LRRIQ3: variants seen among roughly 807,000 people sequenced by gnomAD.
LRRIQ3 encodes leucine-rich repeat and IQ domain-containing protein 3.
In LRRIQ3, 75 loss-of-function variants were observed where a neutral mutation model predicts 59.3. The ratio of observed to expected loss-of-function variants is 1.26; its 90% confidence interval spans 1.05 to 1.53. LRRIQ3 has a LOEUF of 1.53. Ranked by LOEUF, LRRIQ3 falls within the 40% of genes most tolerant of loss-of-function variation. LRRIQ3 has a pLI of 0.00. For synonymous variants in LRRIQ3, 250 were observed against 231.3 expected (o/e 1.08, Z -0.73); for missense variants, 831 against 710.0 (o/e 1.17, Z -1.94).
At chr1:74,065,335 C>T (rs997466581) in intron 6 of LRRIQ3, among the ~76,000 whole-genome samples, 4 of 152,066 alleles carry the variant, frequency 2.6e-5, no homozygotes, top group African/African-American at 7.2e-5. Context: ...GGAACAGTCT[C>T]CCCTTGTTTT....
In LRRIQ3 at chr1:74,182,650, A is replaced by G; in HGVS notation, c.461T>C (p.Leu154Pro). Reference protein sequence around the residue: ...LVNSIWPLKALDHHVISDEEI... With the variant: ...LVNSIWPLKAPDHHVISDEEI... ...TTCATCAGAAATCACATGATGATCC[A>G]GCGCTTTGAGAGGCCATATACTGTT... The change falls in exon 3 of 8, where the codon CTG becomes CCG. Residue 154 changes from leucine (L) to proline (P), a missense_variant. Coordinates refer to ENST00000354431, the MANE Select transcript of LRRIQ3 (RefSeq NM_001105659.2). 1 of 1,611,660 alleles carries G rather than the reference A, an allele frequency of 6.2e-7. No individual in the cohort carries two copies. Among genetic ancestry groups the G allele is most frequent in the South Asian group, 1.1e-5 (1 of 90,890 alleles).
chr1:74,036,484 C>G (rs914732716), intron 7 of LRRIQ3, among the ~76,000 whole-genome samples: 1 of 152,124 alleles, frequency 6.6e-6, no homozygotes. Context: ...TAGAAAGCTT[C>G]TAGGTCACAT....
At chr1:74,035,439 T>C (rs1336555360) in intron 7 of LRRIQ3, among the ~76,000 whole-genome samples, 1 of 152,152 alleles carries the variant, frequency 6.6e-6, no homozygotes. Context: ...AAATGTTCCT[T>C]GGCAATTAAT....
chr1:74,087,381 C>CTTTTTTTTTTTTTTTT (rs57068994), intron 5 of LRRIQ3, among the ~76,000 whole-genome samples: 9 of 59,010 alleles, frequency 1.5e-4, no homozygotes, highest in African/African-American at 6.5e-4. Flanking sequence ...AAAATTTTAT[C>CTTTTTTTTTTTTTTTT]TTTTTTTTTT....
rs541304739 is a variant in LRRIQ3 at position 74,086,798 on chromosome 1, G to C, written c.868-12008C>G. 3.9e-4 allele frequency among the ~76,000 whole-genome samples: 60 copies of C among 152,120 alleles called. 1 individual carries two copies. Among genetic ancestry groups the C allele is most frequent in the African/African-American group, 1.3e-3 (52 of 41,544 alleles). On this transcript the variant is annotated intron_variant, in intron 5 of 7. Transcript: ENST00000354431. The stretch of plus-strand genomic sequence containing the variant: ...GTAATAATGGACAAAAGACTAAAGA[G>C]AATGGTGAACAGACAACAAAAAACA...
At chr1:74,183,350 G>C (rs1318519877) in intron 2 of LRRIQ3, 86 bp downstream of exon 2, 8 of 1,178,914 alleles carry the variant, frequency 6.8e-6, no homozygotes, top group Non-Finnish European at 9.2e-6. Flanking sequence ...CCATGTTGAA[G>C]AAATACTGTG....
At chr1:74,108,823 TA>T in intron 5 of LRRIQ3, 1 of 328,720 alleles carries the variant, frequency 3.0e-6, no homozygotes, top group Non-Finnish European at 5.9e-6. Flanking sequence ...TAGCTTTTGG[TA>T]AGTTAATTAA....
chr1:74,094,188 T>C (rs1217997192), intron 5 of LRRIQ3, among the ~76,000 whole-genome samples: 1 of 152,058 alleles, frequency 6.6e-6, no homozygotes. Flanking sequence ...TAACCTTAAT[T>C]ACTTCTTTAG....
chr1:74,154,214 C>A (rs1648165795), intron 4 of LRRIQ3, among the ~76,000 whole-genome samples: 1 of 123,754 alleles, frequency 8.1e-6, no homozygotes, highest in Non-Finnish European at 1.6e-5. Context: ...GCACTGCAGC[C>A]TGGGCGACAG....
intron 4 of LRRIQ3, among the ~76,000 whole-genome samples, chr1:74,115,752 T>C (rs1274724447): frequency 3.9e-5 from 6 of 152,106 alleles, no homozygotes; most frequent in Non-Finnish European, 7.4e-5. Context: ...AAAGTTATGT[T>C]ATATATTACA....
At chr1:74,195,509 TG>T (rs1454943206) in intron 1 of LRRIQ3, among the ~76,000 whole-genome samples, 2 of 152,168 alleles carry the variant, frequency 1.3e-5, no homozygotes, top group African/African-American at 2.4e-5. Flanking sequence ...GACATTTTAA[TG>T]GGGGGATGAA....
intron 5 of LRRIQ3, among the ~76,000 whole-genome samples, chr1:74,076,766 CT>C (rs1321099489): frequency 6.6e-6 from 1 of 151,980 alleles, no homozygotes; most frequent in Non-Finnish European, 1.5e-5. Context: ...AGGGTAAGGG[CT>C]TTTTAATGCT....
Position 74,126,290 on chromosome 1 carries a change from T to C in LRRIQ3, c.708-16737A>G, listed in dbSNP as rs192165723. Among the ~76,000 whole-genome samples, 235 of 151,934 alleles carry C rather than the reference T, an allele frequency of 1.5e-3. 1 individual carries two copies. Among genetic ancestry groups the C allele is most frequent in the African/African-American group, 5.2e-3 (218 of 41,554 alleles). On this transcript the variant is annotated intron_variant, in intron 4 of 7. Coordinates refer to ENST00000354431, the MANE Select transcript of LRRIQ3 (RefSeq NM_001105659.2). The stretch of plus-strand genomic sequence containing the variant: ...AAGGGTTTGTTGATTATATTTATCT[T>C]TTAACCACCAATTTTTCATTTCATT...
intron 5 of LRRIQ3, among the ~76,000 whole-genome samples, chr1:74,085,317 T>C (rs1411314467): frequency 1.7e-5 from 1 of 59,216 alleles, no homozygotes. Flanking sequence ...GCTAAGTACA[T>C]GGTGGCAAAA....
chr1:74,185,473 TG>T (rs1177877606), intron 1 of LRRIQ3, among the ~76,000 whole-genome samples: 1 of 152,220 alleles, frequency 6.6e-6, no homozygotes, highest in Admixed American at 6.5e-5. Flanking sequence ...TCAGATCTTT[TG>T]TCCATTATAT....
At chr1:74,195,156 G>A (rs929744205) in intron 1 of LRRIQ3, among the ~76,000 whole-genome samples, 1 of 152,120 alleles carries the variant, frequency 6.6e-6, no homozygotes, top group Non-Finnish European at 1.5e-5. Flanking sequence ...ATTGAGAACA[G>A]GCTAGCTGAG....
chr1:74,066,891 A>T (rs1167455699), intron 6 of LRRIQ3, among the ~76,000 whole-genome samples: 1 of 152,148 alleles, frequency 6.6e-6, no homozygotes, highest in African/African-American at 2.4e-5. Flanking sequence ...AGCTCTAGGG[A>T]TGCTAAAGCA....
At chr1:74,076,346 A>G (rs1480765668) in intron 5 of LRRIQ3, among the ~76,000 whole-genome samples, 1 of 152,072 alleles carries the variant, frequency 6.6e-6, no homozygotes, top group Non-Finnish European at 1.5e-5. Context: ...TTCTTTATGG[A>G]TATTAACTCA....
intron 3 of LRRIQ3, among the ~76,000 whole-genome samples, chr1:74,159,764 C>T (rs1478459696): frequency 6.6e-6 from 1 of 152,058 alleles, no homozygotes; most frequent in Admixed American, 6.6e-5. Context: ...ACTTCCAATT[C>T]CATTTATTTA....
Sources: allele counts gnomAD v4.1 joint callset (sites outside exome capture counted in the v4.1 genomes callset), GRCh38; gene constraint gnomAD v4.1.1; transcripts MANE v1.5; gene names NCBI Gene and HGNC (gene_info 2026-07-23, HGNC 2026-07-21).